The following DLGAP2 variants were observed in gnomAD, a reference collection of about 807,000 sequenced individuals.
DLGAP2 encodes the protein disks large-associated protein 2.
A neutral mutation model predicts 100.3 loss-of-function variants in DLGAP2; 26 were observed. The observed-to-expected ratio is 0.26, with a 90% CI of 0.19 to 0.36. The LOEUF (loss-of-function observed/expected upper bound fraction) is 0.36, where lower values mean the gene tolerates loss of function less well. Ranked by LOEUF, DLGAP2 falls within the 10% of genes least tolerant of loss-of-function variation. DLGAP2 has a pLI of 1.00. For missense variants in DLGAP2, 1,858 were observed against 1,453.2 expected, an observed-to-expected ratio of 1.28 and a Z score of -4.53; for synonymous variants, 886 against 630.1, an observed-to-expected ratio of 1.41 and a Z score of -6.08.
At chr8:1,459,588 T>C (rs1239800057) in intron 3 of DLGAP2, among the ~76,000 whole-genome samples, 2 of 152,178 alleles carry the variant, frequency 1.3e-5, no homozygotes, top group East Asian at 3.8e-4. Context: ...AATTGATTAA[T>C]TGCACATATG....
intron 2 of DLGAP2, among the ~76,000 whole-genome samples, chr8:972,605 T>C (rs1358504357): frequency 6.7e-6 from 1 of 149,692 alleles, no homozygotes; most frequent in African/African-American, 2.5e-5. Flanking sequence ...TATTTTTTTT[T>C]GTATTTTTTT....
intron 3 of DLGAP2, among the ~76,000 whole-genome samples, chr8:1,313,793 G>T (rs371425394): frequency 6.6e-6 from 1 of 152,052 alleles, no homozygotes; most frequent in African/African-American, 2.4e-5. Context: ...AGGGGAGAAG[G>T]AAGCAAGATC....
At chr8:1,153,995 GTTTTCC>G (rs918259520) in intron 2 of DLGAP2, among the ~76,000 whole-genome samples, 11 of 151,974 alleles carry the variant, frequency 7.2e-5, no homozygotes, top group South Asian at 4.2e-4. Context: ...CTTTTCTTGT[GTTTTCC>G]TTTCAAAAAT....
intron 2 of DLGAP2, among the ~76,000 whole-genome samples, chr8:1,086,702 A>G (rs1803983990): frequency 1.3e-5 from 2 of 152,318 alleles, no homozygotes; most frequent in East Asian, 3.9e-4. Flanking sequence ...TTCATCAAGA[A>G]TATGTAACAA....
chr8:1,180,628 A>G (rs58208172), intron 2 of DLGAP2, among the ~76,000 whole-genome samples: 87,122 of 151,098 alleles, frequency 0.58, 25,297 homozygotes, highest in Admixed American at 0.66. Context: ...GCACACCATC[A>G]AGCGTGTCAG....
intron 6 of DLGAP2, among the ~76,000 whole-genome samples, chr8:1,590,728 T>C (rs920584535): frequency 1.3e-5 from 2 of 152,186 alleles, no homozygotes; most frequent in Admixed American, 6.5e-5. Flanking sequence ...CCTATTCACT[T>C]GAAAATGGGA....
At chr8:1,510,739 C>T (rs1047858782) in intron 4 of DLGAP2, among the ~76,000 whole-genome samples, 4 of 152,148 alleles carry the variant, frequency 2.6e-5, no homozygotes, top group East Asian at 3.9e-4. Flanking sequence ...CCAAGCCAAA[C>T]CCTGTAGGAC....
chr8:987,242 C>T (rs1461691717), intron 2 of DLGAP2, among the ~76,000 whole-genome samples: 1 of 152,062 alleles, frequency 6.6e-6, no homozygotes. Context: ...ATCAGGAAGC[C>T]TGGGCAGAGA....
At chr8:825,806 A>T (rs932743934) in intron 1 of DLGAP2, among the ~76,000 whole-genome samples, 3 of 152,220 alleles carry the variant, frequency 2.0e-5, no homozygotes, top group African/African-American at 7.2e-5. Flanking sequence ...TGAAAAAGGT[A>T]TCTGTCACCT....
intron 2 of DLGAP2, among the ~76,000 whole-genome samples, chr8:1,028,251 T>C (rs1192359065): frequency 3.8e-4 from 35 of 91,494 alleles, no homozygotes; most frequent in Admixed American, 8.5e-4. Flanking sequence ...AGGTGGGGTG[T>C]CAGGCGCCCG....
intron 8 of DLGAP2, among the ~76,000 whole-genome samples, chr8:1,661,120 A>G (rs1198761062): frequency 1.3e-5 from 2 of 152,224 alleles, no homozygotes; most frequent in African/African-American, 2.4e-5. Flanking sequence ...TCTTTCCAAG[A>G]AAACGTTGTC....
chr8:1,160,567 AT>A (rs1201753580), intron 2 of DLGAP2, among the ~76,000 whole-genome samples: 1 of 152,022 alleles, frequency 6.6e-6, no homozygotes, highest in Admixed American at 6.6e-5. Context: ...TACACTCATT[AT>A]TTTGCCAGTT....
chr8:742,882 C>T (rs996540128), intron 1 of DLGAP2, among the ~76,000 whole-genome samples: 1 of 152,078 alleles, frequency 6.6e-6, no homozygotes, highest in Non-Finnish European at 1.5e-5. Context: ...GCAATATTAA[C>T]TTGATAGGGT....
chr8:1,429,514 T>C (rs1377284156), intron 3 of DLGAP2, among the ~76,000 whole-genome samples: 1 of 152,150 alleles, frequency 6.6e-6, no homozygotes, highest in African/African-American at 2.4e-5. Context: ...GCTGATGGTG[T>C]GTAAGCTGAA....
intron 1 of DLGAP2, among the ~76,000 whole-genome samples, chr8:863,406 A>T (rs1020253304): frequency 2.0e-5 from 3 of 152,200 alleles, no homozygotes; most frequent in Non-Finnish European, 4.4e-5. Context: ...CACTGTGAAG[A>T]ATAATTTCTC....
At chr8:1,410,449 C>T (rs1430315143) in intron 3 of DLGAP2, among the ~76,000 whole-genome samples, 1 of 152,220 alleles carries the variant, frequency 6.6e-6, no homozygotes, top group Non-Finnish European at 1.5e-5. Context: ...TCACATAATT[C>T]TGTAGCAGTA....
intron 3 of DLGAP2, among the ~76,000 whole-genome samples, chr8:1,419,779 C>T (rs1235438702): frequency 3.3e-5 from 5 of 152,114 alleles, no homozygotes; most frequent in African/African-American, 1.2e-4. Flanking sequence ...ATTAGTCTAG[C>T]CACTAAGGAA....
At chr8:942,164 G>C (rs1198974670) in intron 2 of DLGAP2, among the ~76,000 whole-genome samples, 2 of 152,134 alleles carry the variant, frequency 1.3e-5, no homozygotes, top group African/African-American at 4.8e-5. Flanking sequence ...GCTCAGGATG[G>C]TCCTGAAATC....
chr8:795,787 G>T (rs530249516), intron 1 of DLGAP2, among the ~76,000 whole-genome samples: 1 of 144,302 alleles, frequency 6.9e-6, no homozygotes, highest in South Asian at 2.4e-4. Context: ...GAGAGCAGGC[G>T]TCCGGTGAGA....
Sources: allele counts gnomAD v4.1 joint callset (sites outside exome capture counted in the v4.1 genomes callset), GRCh38; gene constraint gnomAD v4.1.1; transcripts MANE v1.5; gene names NCBI Gene and HGNC (gene_info 2026-07-23, HGNC 2026-07-21).